Variants in DMD observed in about 807,000 individuals in gnomAD.
DMD encodes the protein mutant dystrophin.
Under a neutral mutation model 330.1 loss-of-function variants are expected in DMD, and 63 were observed. That is an observed-to-expected ratio of 0.19 (90% CI 0.16 to 0.24). The LOEUF (loss-of-function observed/expected upper bound fraction) is 0.24. DMD is among the 10% of genes least tolerant of loss of function. The pLI is 1.00. For synonymous variants in DMD, 1,223 were observed against 959.8 expected, an observed-to-expected ratio of 1.27 and a Z score of -5.07; for missense variants, 3,344 against 2,684.1, an observed-to-expected ratio of 1.25 and a Z score of -5.43.
At chrX:31,695,291 G>A (rs1685621960) in intron 52 of DMD, among the ~76,000 whole-genome samples, 1 of 110,777 alleles carries the variant, frequency 9.0e-6, no homozygotes, top group Non-Finnish European at 1.9e-5. Flanking sequence ...GTGGAGGTAG[G>A]GGATAGGTGG....
At chrX:32,827,953 G>A (rs907298449) in intron 4 of DMD, among the ~76,000 whole-genome samples, 3 of 111,256 alleles carry the variant, frequency 2.7e-5, no homozygotes, top group East Asian at 2.8e-4. Flanking sequence ...AAGCCACTGC[G>A]CCCAGCCTAA....
intron 59 of DMD, among the ~76,000 whole-genome samples, chrX:31,445,612 T>C (rs777840599): frequency 9.0e-6 from 1 of 110,951 alleles, no homozygotes; most frequent in South Asian, 3.8e-4. Flanking sequence ...ATTTAGGGAG[T>C]AGGGTATTTT....
intron 62 of DMD, among the ~76,000 whole-genome samples, chrX:31,289,818 A>G (rs2053551784): frequency 9.0e-6 from 1 of 110,782 alleles, no homozygotes; most frequent in Admixed American, 9.6e-5. Flanking sequence ...AATAACTGCT[A>G]ATTTATTTTT....
At chrX:32,475,066 C>A (rs1298421067) in intron 21 of DMD, among the ~76,000 whole-genome samples, 1 of 111,121 alleles carries the variant, frequency 9.0e-6, no homozygotes, top group Non-Finnish European at 1.9e-5. Context: ...TTTCAGTCTC[C>A]CACATGTGGC....
chrX:33,117,242 A>G (rs780471304), intron 1 of DMD, among the ~76,000 whole-genome samples: 1 of 111,353 alleles, frequency 9.0e-6, no homozygotes, highest in South Asian at 3.8e-4. Flanking sequence ...TGCTGGTCGA[A>G]GGATAGAAAC....
At chrX:33,272,238 A>G (rs1056730342) in intron 1 of DMD, among the ~76,000 whole-genome samples, 1 of 112,282 alleles carries the variant, frequency 8.9e-6, no homozygotes, top group Non-Finnish European at 1.9e-5. Flanking sequence ...TCTTATATGC[A>G]TATACATGAG....
intron 44 of DMD, among the ~76,000 whole-genome samples, chrX:32,164,872 A>C (rs951451972): frequency 9.0e-6 from 1 of 111,555 alleles, no homozygotes; most frequent in African/African-American, 3.3e-5. Flanking sequence ...CATGGATAAA[A>C]GGGGCCAAGG....
chrX:31,446,638 G>A (rs774070599), intron 59 of DMD, among the ~76,000 whole-genome samples: 2 of 111,700 alleles, frequency 1.8e-5, no homozygotes, highest in East Asian at 5.6e-4. Context: ...CAGAATAAGG[G>A]CCCATGGAGA....
chrX:31,740,625 C>T (rs2087256380), intron 51 of DMD, among the ~76,000 whole-genome samples: 1 of 111,967 alleles, frequency 8.9e-6, no homozygotes, highest in African/African-American at 3.2e-5. Context: ...AAAAAATGTA[C>T]ATACCTTAAT....
At chrX:31,176,416 C>T (rs1460365607) in intron 71 of DMD, among the ~76,000 whole-genome samples, 6 of 111,581 alleles carry the variant, frequency 5.4e-5, no homozygotes, top group African/African-American at 1.6e-4. Flanking sequence ...ATGTTTTTCT[C>T]ATTAGCTTAC....
At chrX:32,167,176 C>T (rs931935691) in intron 44 of DMD, among the ~76,000 whole-genome samples, 2 of 112,279 alleles carry the variant, frequency 1.8e-5, no homozygotes, top group African/African-American at 6.5e-5. Flanking sequence ...GGTTACATTT[C>T]ATAGGTTAGT....
chrX:33,250,020 G>A (rs1292768317), intron 1 of DMD, among the ~76,000 whole-genome samples: 3 of 100,437 alleles, frequency 3.0e-5, no homozygotes, highest in African/African-American at 1.2e-4. Context: ...CATCGATATT[G>A]TTTTGTGTTG....
intron 34 of DMD, among the ~76,000 whole-genome samples, chrX:32,378,632 C>G (rs1221695231): frequency 8.2e-5 from 9 of 110,127 alleles, no homozygotes; most frequent in African/African-American, 2.6e-4. Flanking sequence ...GGGAGAAATT[C>G]AGCAGATATA....
chrX:32,012,337 G>C (rs1440594327), intron 44 of DMD, among the ~76,000 whole-genome samples: 1 of 112,052 alleles, frequency 8.9e-6, no homozygotes, highest in Admixed American at 9.4e-5. Context: ...CATATAGGTG[G>C]TCCTGGATTC....
At chrX:31,898,156 G>C (rs1226626675) in intron 47 of DMD, among the ~76,000 whole-genome samples, 1 of 110,465 alleles carries the variant, frequency 9.1e-6, no homozygotes, top group South Asian at 3.8e-4. Context: ...ATGCTCATGG[G>C]TAGGAAGAAT....
At chrX:31,499,077 C>A (rs199949932) in intron 56 of DMD, among the ~76,000 whole-genome samples, 1 of 111,586 alleles carries the variant, frequency 9.0e-6, no homozygotes, top group East Asian at 2.8e-4. Flanking sequence ...GGCTGTCAAG[C>A]AGGACATATT....
chrX:32,514,326 T>TGTG (rs1193901213), intron 18 of DMD, among the ~76,000 whole-genome samples: 1 of 111,515 alleles, frequency 9.0e-6, no homozygotes, highest in Non-Finnish European at 1.9e-5. Context: ...AATCATTTAC[T>TGTG]GTGAATGATG....
At chrX:32,035,136 A>G (rs1251616505) in intron 44 of DMD, among the ~76,000 whole-genome samples, 1 of 111,771 alleles carries the variant, frequency 8.9e-6, no homozygotes, top group African/African-American at 3.2e-5. Context: ...CTTAAGACTA[A>G]AGCTATTATT....
intron 60 of DMD, among the ~76,000 whole-genome samples, chrX:31,413,034 C>T (rs754660699): frequency 9.0e-6 from 1 of 111,560 alleles, no homozygotes. Context: ...GTCATATAAC[C>T]ATCGCTATAC....
Sources: gnomAD v4.1 joint callset for allele counts (sites outside exome capture counted in the v4.1 genomes callset) on GRCh38, gnomAD v4.1.1 for gene constraint, MANE v1.5 for transcripts, NCBI Gene and HGNC (gene_info 2026-07-23, HGNC 2026-07-21) for gene names.